Variants in PHF20 observed in about 807,000 individuals in gnomAD.
The protein encoded by PHF20 is PHD finger protein 20.
A neutral mutation model predicts 113.5 loss-of-function variants in PHF20; 23 were observed. The ratio of observed to expected loss-of-function variants is 0.20; its 90% confidence interval spans 0.15 to 0.29. The LOEUF is 0.29. PHF20 is among the 10% of genes least tolerant of loss of function. PHF20 has a pLI of 1.00. For missense variants in PHF20, 943 were observed against 1,219.6 expected (o/e 0.77, Z 3.38); for synonymous variants, 434 against 457.3 (o/e 0.95, Z 0.65).
chr20:35,814,462 C>G (rs1481492135), intron 2 of PHF20, among the ~76,000 whole-genome samples: 1 of 151,746 alleles, frequency 6.6e-6, no homozygotes, highest in Non-Finnish European at 1.5e-5. Flanking sequence ...AGTGATCCGC[C>G]TGCCTTGGCC....
chr20:35,809,646 G>C (rs1461329028), intron 2 of PHF20, among the ~76,000 whole-genome samples: 1 of 151,796 alleles, frequency 6.6e-6, no homozygotes, highest in Non-Finnish European at 1.5e-5. Flanking sequence ...CACTTTGGGA[G>C]GGTGAGGTGG....
intron 15 of PHF20, among the ~76,000 whole-genome samples, chr20:35,934,758 A>G: frequency 6.6e-6 from 1 of 151,654 alleles, no homozygotes; most frequent in African/African-American, 2.4e-5. Context: ...AAAGGAGGAG[A>G]GGTTGGATGC....
At chr20:35,839,646 G>A (rs1162952218) in intron 2 of PHF20, among the ~76,000 whole-genome samples, 1 of 152,146 alleles carries the variant, frequency 6.6e-6, no homozygotes, top group Non-Finnish European at 1.5e-5. Flanking sequence ...AAGATATCTT[G>A]TATTTATAGC....
At chr20:35,837,113 C>T (rs1352420443) in intron 2 of PHF20, among the ~76,000 whole-genome samples, 1 of 152,058 alleles carries the variant, frequency 6.6e-6, no homozygotes, top group Non-Finnish European at 1.5e-5. Context: ...GTTGAGGCTG[C>T]AGTGAGTGGA....
At position 35,850,495 on chromosome 20, in the gene PHF20, A is replaced by T. The variant is rs537878750; in HGVS notation, c.340+3061A>T. Among the ~76,000 whole-genome samples the T allele has an allele frequency of 7.1e-4, 101 of 142,148 alleles. 2 individuals are homozygous for T. In the South Asian group the frequency reaches 0.012, roughly 16 times the overall value. The allele number at this position is 142,148 out of a possible 152,430, so 93.3% of individuals were successfully genotyped here. ...CTGGCTAATTTATATATATATATAT[A>T]TTTTTAAGGTTTCAAATGTACTTTA... On this transcript the variant is annotated intron_variant, in intron 4 of 17. Coordinates refer to ENST00000374012, the MANE Select transcript of PHF20 (RefSeq NM_016436.5).
At chr20:35,797,942 G>A (rs1347851696) in intron 1 of PHF20, among the ~76,000 whole-genome samples, 3 of 152,034 alleles carry the variant, frequency 2.0e-5, no homozygotes, top group Non-Finnish European at 2.9e-5. Flanking sequence ...GAGCCACTGC[G>A]CCTAGCCTGG....
chr20:35,871,593 T>C, intron 8 of PHF20, 57 bp from the exon 9 acceptor site: 2 of 1,439,714 alleles, frequency 1.4e-6, no homozygotes, highest in Non-Finnish European at 1.9e-6. Flanking sequence ...TGTAGGACTT[T>C]TGATTTCAGA....
At chr20:35,836,750 G>C (rs998388280) in intron 2 of PHF20, among the ~76,000 whole-genome samples, 1 of 151,744 alleles carries the variant, frequency 6.6e-6, no homozygotes, top group African/African-American at 2.4e-5. Flanking sequence ...AGGCTGAGGC[G>C]GGAGAATGGC....
At chr20:35,880,437 T>G (rs2054607400) in intron 9 of PHF20, among the ~76,000 whole-genome samples, 1 of 152,194 alleles carries the variant, frequency 6.6e-6, no homozygotes, top group African/African-American at 2.4e-5. Context: ...TGAAAAATGC[T>G]TCATTTTCAG....
intron 4 of PHF20, among the ~76,000 whole-genome samples, chr20:35,854,088 CT>C (rs1444256034): frequency 1.3e-5 from 2 of 152,132 alleles, no homozygotes; most frequent in African/African-American, 4.8e-5. Context: ...AAAAGAGGCC[CT>C]GGAATATTGG....
In PHF20 at chr20:35,938,741, AACAGC is replaced by A; in HGVS notation, c.2348_2352del (p.Gln783LeufsTer15). 6.2e-7 allele frequency: 1 copy of A among 1,613,784 alleles called. No individual in the cohort carries two copies. The highest frequency in any genetic ancestry group is 8.5e-7 in the Non-Finnish European group (1 of 1,179,836). ...CTGCCGCTGTGGTGCCAGCCTTGGA[AACAGC>A]ACTCAGGGGAGGGGAGATCTCATTT... On this transcript the variant is annotated frameshift_variant, in exon 16 of 18. Coordinates refer to ENST00000374012, the MANE Select transcript of PHF20 (RefSeq NM_016436.5). LOFTEE classifies it high-confidence loss of function.
chr20:35,909,874 C>T (rs1434299464), intron 10 of PHF20, among the ~76,000 whole-genome samples: 1 of 152,106 alleles, frequency 6.6e-6, no homozygotes, highest in Non-Finnish European at 1.5e-5. Flanking sequence ...GAGAGTCAGA[C>T]CAATTTGCTT....
chr20:35,772,578 A>G (rs893613552), intron 1 of PHF20, among the ~76,000 whole-genome samples: 26 of 152,152 alleles, frequency 1.7e-4, no homozygotes, highest in African/African-American at 5.5e-4. Flanking sequence ...CCTTTTCTCT[A>G]TAGTTTTGAA....
chr20:35,778,409 T>A (rs1360378641), intron 1 of PHF20, among the ~76,000 whole-genome samples: 5 of 152,176 alleles, frequency 3.3e-5, no homozygotes, highest in Non-Finnish European at 7.3e-5. Flanking sequence ...GTCTAATCCA[T>A]CTTTGCCAGT....
chr20:35,847,374 C>G lies in PHF20; in HGVS notation c.280C>G (p.Leu94Val). 6.2e-7 allele frequency: 1 copy of G among 1,609,384 alleles called. No individual in the cohort carries two copies. Among genetic ancestry groups the G allele is most frequent in the Non-Finnish European group, 8.5e-7 (1 of 1,177,598 alleles). Residue 94 changes from leucine (L) to valine (V), a missense_variant, in exon 4 of 18, where the codon CTT becomes GTT. Leu to Val is a conservative substitution (Grantham distance 32, BLOSUM62 1). Around this residue, in one of 3 missense-constraint regions of PHF20, gnomAD observed 592 missense variants for 787.2 expected, o/e 0.75. Coordinates refer to ENST00000374012, the MANE Select transcript of PHF20 (RefSeq NM_016436.5). ...GGAATTTCAAATAAATGAGCAGGTC[C>G]TTGCTTGCTGGTCTGATTGTCGTTT... ...SSEFQINEQV[L>V]ACWSDCRFYP...
chr20:35,813,719 G>A (rs1303782006), intron 2 of PHF20, among the ~76,000 whole-genome samples: 4 of 152,010 alleles, frequency 2.6e-5, no homozygotes, highest in African/African-American at 9.7e-5. Context: ...TTAGCCAGGC[G>A]TGGTGGCACG....
Position 35,871,182 on chromosome 20 carries a change from A to G in PHF20, c.1102+48A>G, listed in dbSNP as rs1600853614. 8 of 1,424,924 alleles carry G rather than the reference A, an allele frequency of 5.6e-6. No homozygotes were observed. The East Asian group carries it at 1.8e-4, about 33-fold the overall frequency. The allele number at this position is 1,424,924 out of a possible 1,614,324, so 88.3% of individuals were successfully genotyped here. ...TGTCTTGCCAACCTGGTTCCTATTT[A>G]GTGAGAATCAATGTAAATCATTATG... On this transcript the variant is annotated intron_variant, in intron 8 of 17. Coordinates refer to ENST00000374012, the MANE Select transcript of PHF20 (RefSeq NM_016436.5).
chr20:35,799,048 T>C (rs540057075), intron 1 of PHF20, among the ~76,000 whole-genome samples: 1 of 152,098 alleles, frequency 6.6e-6, no homozygotes, highest in Non-Finnish European at 1.5e-5. Flanking sequence ...ATGTACTCAC[T>C]TCTGTGATTT....
intron 4 of PHF20, among the ~76,000 whole-genome samples, chr20:35,855,068 G>A (rs1456471598): frequency 6.6e-6 from 1 of 152,190 alleles, no homozygotes; most frequent in East Asian, 1.9e-4. Context: ...GTTGAAAGTA[G>A]AGTCTTGGGT....
Sources: gnomAD v4.1 joint callset for allele counts (sites outside exome capture counted in the v4.1 genomes callset) on GRCh38, gnomAD v4.1.1 for gene constraint, gnomAD v4.1.1 regional missense constraint, MANE v1.5 for transcripts, NCBI Gene and HGNC (gene_info 2026-07-23, HGNC 2026-07-21) for gene names.